Variants in GSE1 observed in about 807,000 individuals in gnomAD.
GSE1 encodes the protein genetic suppressor element 1.
GSE1 carries 32 observed loss-of-function variants against 112.6 expected under a neutral mutation model. The ratio of observed to expected loss-of-function variants is 0.28; its 90% CI spans 0.21 to 0.38. GSE1 has a LOEUF of 0.38. Among genes scored for constraint, GSE1 ranks in the 10% least tolerant of loss-of-function variants. The pLI is 1.00. For missense variants in GSE1, 2,348 were observed against 1,699.2 expected, an observed-to-expected ratio of 1.38 and a Z score of -6.71; for synonymous variants, 1,115 against 735.6, an observed-to-expected ratio of 1.52 and a Z score of -8.35.
intron 2 of GSE1, among the ~76,000 whole-genome samples, chr16:85,485,470 C>T (rs1443744408): frequency 1.3e-5 from 2 of 152,264 alleles, no homozygotes. Flanking sequence ...AAGGAGGGAG[C>T]CAGGCATGGC....
At chr16:85,611,857 C>CGGGGAGGGGGAGGGAGGAAGGCG (rs2048005377), upstream of GSE1, among the ~76,000 whole-genome samples, 1 of 85,402 alleles carries the variant, frequency 1.2e-5, no homozygotes, top group African/African-American at 4.3e-5. Flanking sequence ...CGGGCTGGCG[C>CGGGGAGGGGGAGGGAGGAAGGCG]GGGGAGGGGG....
chr16:85,176,654 A>G (rs550098521), intron 1 of GSE1, among the ~76,000 whole-genome samples: 105 of 152,372 alleles, frequency 6.9e-4, no homozygotes, highest in Admixed American at 1.4e-3. Context: ...TTAATGGCGC[A>G]TGCAGCTGTT....
At chr16:85,656,256 T>C in intron 6 of GSE1, 87 bp from the exon 7 acceptor site, 1 of 1,524,852 alleles carries the variant, frequency 6.6e-7, no homozygotes. Context: ...CCTGGCTCGT[T>C]CCTGGTTATG....
chr16:85,272,598 T>A (rs911693536), intron 1 of GSE1, among the ~76,000 whole-genome samples: 1 of 152,034 alleles, frequency 6.6e-6, no homozygotes, highest in Non-Finnish European at 1.5e-5. Context: ...GAGCTGGCCC[T>A]TTCTGGAGAA....
chr16:85,374,495 C>G (rs932276889), intron 2 of GSE1, among the ~76,000 whole-genome samples: 1 of 149,748 alleles, frequency 6.7e-6, no homozygotes, highest in Admixed American at 6.8e-5. Flanking sequence ...GGGTGTGTGG[C>G]TCTCAGTGTA....
chr16:85,383,107 C>T (rs550259771), intron 2 of GSE1, among the ~76,000 whole-genome samples: 2 of 152,012 alleles, frequency 1.3e-5, no homozygotes, highest in Admixed American at 6.5e-5. Context: ...CATGCCTGTG[C>T]ACCCACACAC....
At chr16:85,496,890 C>T (rs1451164234) in intron 2 of GSE1, among the ~76,000 whole-genome samples, 1 of 139,100 alleles carries the variant, frequency 7.2e-6, no homozygotes, top group Non-Finnish European at 1.5e-5. Context: ...CCCTTTTGGT[C>T]TGGGTCTTTG....
At chr16:85,581,775 A>C (rs2046458631) in intron 1 of GSE1, among the ~76,000 whole-genome samples, 1 of 152,152 alleles carries the variant, frequency 6.6e-6, no homozygotes, top group African/African-American at 2.4e-5. Flanking sequence ...GGAGGGCTGC[A>C]TCAGGCACGA....
chr16:85,329,836 G>A (rs1282205221), intron 1 of GSE1, among the ~76,000 whole-genome samples: 1 of 150,034 alleles, frequency 6.7e-6, no homozygotes, highest in Non-Finnish European at 1.5e-5. Flanking sequence ...GACGGGAGGG[G>A]AGGGAATGTG....
At chr16:85,572,067 C>T (rs576524149) in intron 1 of GSE1, among the ~76,000 whole-genome samples, 23 of 151,240 alleles carry the variant, frequency 1.5e-4, no homozygotes, top group Non-Finnish European at 3.1e-4. Flanking sequence ...ACACCATACA[C>T]ACAACCACAC....
chr16:85,389,314 G>T (rs1396023890), intron 2 of GSE1, among the ~76,000 whole-genome samples: 1 of 152,256 alleles, frequency 6.6e-6, no homozygotes, highest in East Asian at 1.9e-4. Flanking sequence ...ACAAAAATTA[G>T]CTGGGTGTGG....
chr16:85,331,373 G>GTATATATATATGTATATATATGTA (rs376286455), intron 1 of GSE1, among the ~76,000 whole-genome samples: 1 of 84,490 alleles, frequency 1.2e-5, no homozygotes, highest in Non-Finnish European at 2.9e-5. Context: ...GTGTATATAT[G>GTATATATATATGTATATATATGTA]TATATATATG....
intron 2 of GSE1, among the ~76,000 whole-genome samples, chr16:85,376,063 C>T (rs1268284683): frequency 2.0e-5 from 3 of 152,070 alleles, no homozygotes; most frequent in Non-Finnish European, 4.4e-5. Flanking sequence ...GTGGATTTCT[C>T]CTTGGGCCTG....
intron 1 of GSE1, among the ~76,000 whole-genome samples, chr16:85,574,240 C>G (rs899143481): frequency 1.3e-5 from 2 of 152,214 alleles, no homozygotes; most frequent in Admixed American, 6.5e-5. Context: ...CCCTCCATAG[C>G]AGGCCCCCAG....
At chr16:85,662,440 C>T (rs2052513899) in intron 9 of GSE1, 1 of 153,560 alleles carries the variant, frequency 6.5e-6, no homozygotes, top group African/African-American at 2.4e-5. Flanking sequence ...CACAGGCGGT[C>T]TTCCTGGTTG....
At chr16:85,356,458 G>A (rs1170230514) in intron 1 of GSE1, among the ~76,000 whole-genome samples, 1 of 152,202 alleles carries the variant, frequency 6.6e-6, no homozygotes, top group Admixed American at 6.5e-5. Flanking sequence ...CACCAGTTCT[G>A]TGCTCCCTTT....
intron 1 of GSE1, among the ~76,000 whole-genome samples, chr16:85,587,497 C>T (rs949445135): frequency 6.6e-6 from 1 of 152,050 alleles, no homozygotes; most frequent in African/African-American, 2.4e-5. Flanking sequence ...GGGAGGGACA[C>T]CGTGCACCTG....
chr16:85,637,311 C>G (rs2050083485), intron 2 of GSE1, among the ~76,000 whole-genome samples: 1 of 152,236 alleles, frequency 6.6e-6, no homozygotes, highest in South Asian at 2.1e-4. Flanking sequence ...CCTTGTGGGC[C>G]ATCTGCGGCG....
chr16:85,409,014 CCGGA>C (rs1432316223), intron 2 of GSE1, among the ~76,000 whole-genome samples: 2 of 11,918 alleles, frequency 1.7e-4, no homozygotes, highest in Admixed American at 1.2e-3. Flanking sequence ...CTCAGGCCCC[CCGGA>C]TAATCCTCAC....
Sources: allele counts gnomAD v4.1 joint callset (sites outside exome capture counted in the v4.1 genomes callset), GRCh38; gene constraint gnomAD v4.1.1; transcripts MANE v1.5; gene names NCBI Gene and HGNC (gene_info 2026-07-23, HGNC 2026-07-21).